The following TTC39B variants were observed in gnomAD, a reference collection of about 807,000 sequenced individuals.
TTC39B encodes the protein tetratricopeptide repeat protein 39B.
TTC39B carries 92 observed loss-of-function variants against 96.6 expected under a neutral mutation model. The ratio of observed to expected loss-of-function variants is 0.95; its 90% confidence interval spans 0.80 to 1.13. The LOEUF is 1.13. TTC39B is among the 50% of genes most tolerant of loss of function. TTC39B has a pLI of 0.00. For missense variants in TTC39B, 955 were observed against 809.3 expected (o/e 1.18, Z -2.18); for synonymous variants, 367 against 299.4 (o/e 1.23, Z -2.33).
intron 2 of TTC39B, among the ~76,000 whole-genome samples, chr9:15,234,405 T>TG (rs570759166): frequency 4.0e-4 from 52 of 131,086 alleles, no homozygotes; most frequent in Admixed American, 1.4e-3. Flanking sequence ...AGGAGGGAGG[T>TG]GGGGGGGTCA....
chr9:15,272,736 T>C (rs1305576444), intron 1 of TTC39B, among the ~76,000 whole-genome samples: 1 of 152,206 alleles, frequency 6.6e-6, no homozygotes, highest in Non-Finnish European at 1.5e-5. Flanking sequence ...CCCAGCACAG[T>C]ACTCTGTACT....
chr9:15,217,452 T>C (rs1032937188), intron 3 of TTC39B, among the ~76,000 whole-genome samples: 5 of 152,076 alleles, frequency 3.3e-5, no homozygotes, highest in African/African-American at 1.2e-4. Flanking sequence ...TCCGAGCACA[T>C]AAACTCAGCT....
chr9:15,287,393 CGTAACAGA>C (rs1824011917), intron 1 of TTC39B, among the ~76,000 whole-genome samples: 1 of 152,158 alleles, frequency 6.6e-6, no homozygotes, highest in Non-Finnish European at 1.5e-5. Flanking sequence ...ACAGGTCAGT[CGTAACAGA>C]GTTACGGAAG....
intron 1 of TTC39B, among the ~76,000 whole-genome samples, chr9:15,280,056 C>T (rs963853805): frequency 2.0e-5 from 3 of 151,918 alleles, no homozygotes; most frequent in African/African-American, 7.3e-5. Flanking sequence ...CCACCAAACC[C>T]GGCTAATTTT....
At chr9:15,191,397 A>G in intron 9 of TTC39B, 142 bp from the exon 10 acceptor site, 4 of 601,204 alleles carry the variant, frequency 6.7e-6, no homozygotes, top group Non-Finnish European at 1.2e-5. Context: ...TTCTGTTACC[A>G]CATACTGTAA....
chr9:15,200,532 T>C (rs1819474017), intron 7 of TTC39B, among the ~76,000 whole-genome samples: 1 of 152,222 alleles, frequency 6.6e-6, no homozygotes, highest in Non-Finnish European at 1.5e-5. Flanking sequence ...GACCATAAAA[T>C]TGAGGCTGTT....
At chr9:15,199,589 G>C (rs12552686) in intron 8 of TTC39B, among the ~76,000 whole-genome samples, 4 of 151,562 alleles carry the variant, frequency 2.6e-5, no homozygotes, top group African/African-American at 9.7e-5. Context: ...CAAAAAATTA[G>C]CCGGGCGTGG....
chr9:15,241,720 C>T (rs542594434), intron 2 of TTC39B, among the ~76,000 whole-genome samples: 3 of 149,274 alleles, frequency 2.0e-5, no homozygotes, highest in South Asian at 2.1e-4. Flanking sequence ...AGTAATCTTT[C>T]GTAAGTTTCT....
At chr9:15,273,571 T>A (rs896345190) in intron 1 of TTC39B, among the ~76,000 whole-genome samples, 1 of 152,108 alleles carries the variant, frequency 6.6e-6, no homozygotes, top group African/African-American at 2.4e-5. Flanking sequence ...GAGAACAGAT[T>A]CTACCACGCT....
At chr9:15,236,259 A>G (rs1821775402) in intron 2 of TTC39B, among the ~76,000 whole-genome samples, 1 of 152,232 alleles carries the variant, frequency 6.6e-6, no homozygotes, top group African/African-American at 2.4e-5. Flanking sequence ...ATTCAATATA[A>G]CAAGAAGATT....
intron 8 of TTC39B, among the ~76,000 whole-genome samples, chr9:15,194,436 C>A (rs958508432): frequency 6.6e-6 from 1 of 152,030 alleles, no homozygotes; most frequent in African/African-American, 2.4e-5. Flanking sequence ...ATTTTGAATT[C>A]CCAGGTAAGT....
intron 1 of TTC39B, among the ~76,000 whole-genome samples, chr9:15,303,725 A>G (rs1463511847): frequency 6.6e-6 from 1 of 151,542 alleles, no homozygotes; most frequent in Non-Finnish European, 1.5e-5. Flanking sequence ...TCTGCCTCCC[A>G]GGTTCAAGCG....
At chr9:15,186,221 G>A (rs747595648) in intron 15 of TTC39B, among the ~76,000 whole-genome samples, 10 of 152,052 alleles carry the variant, frequency 6.6e-5, no homozygotes, top group Middle Eastern at 3.2e-3. Flanking sequence ...GGTTAATTCC[G>A]GGCAAAATAT....
Position 15,222,235 on chromosome 9 carries a change from T to C in TTC39B, c.371+3682A>G, listed in dbSNP as rs1224181912. ...CACAAAGGAGGTAAAAGCTAGACTTTATGTAATAACAGCTGGGAAATCTGT... is the reference window on the plus strand; with the variant it reads ...CACAAAGGAGGTAAAAGCTAGACTTCATGTAATAACAGCTGGGAAATCTGT... On this transcript the variant is annotated intron_variant, in intron 3 of 19. Transcript: ENST00000512701. Among the ~76,000 whole-genome samples, 3 of 152,254 alleles carry C rather than the reference T, an allele frequency of 2.0e-5. No homozygotes were observed. The East Asian group carries it at 5.8e-4, about 29-fold the overall frequency.
At chr9:15,240,527 T>C (rs1194075074) in intron 2 of TTC39B, among the ~76,000 whole-genome samples, 1 of 152,214 alleles carries the variant, frequency 6.6e-6, no homozygotes, top group Non-Finnish European at 1.5e-5. Flanking sequence ...TCAAAAATGA[T>C]AATGTACCAT....
At chr9:15,288,476 T>A (rs985618216) in intron 1 of TTC39B, among the ~76,000 whole-genome samples, 2 of 152,116 alleles carry the variant, frequency 1.3e-5, no homozygotes, top group East Asian at 3.9e-4. Flanking sequence ...CTGGGGATGG[T>A]TGGAGAGGAG....
intron 3 of TTC39B, among the ~76,000 whole-genome samples, chr9:15,222,061 TG>T (rs1820873408): frequency 1.3e-5 from 2 of 152,202 alleles, no homozygotes; most frequent in South Asian, 4.1e-4. Flanking sequence ...AGTCAGAAGG[TG>T]GGATGTATTC....
In TTC39B at chr9:15,274,658, T is replaced by C. The variant is rs918282078; in HGVS notation, c.241-6710A>G. ...TCCAAGTCCCCACCTGTAACGACTG[T>C]TGTTGGTCCTTGCAGGGAACAAAAC... On this transcript the variant is annotated intron_variant, in intron 1 of 19. Transcript: ENST00000512701. Among the ~76,000 whole-genome samples, 3 of 152,206 alleles carry C rather than the reference T, an allele frequency of 2.0e-5. 1 individual carries two copies. The highest frequency in any genetic ancestry group is 4.1e-4 in the South Asian group (2 of 4,826).
At chr9:15,176,428 A>G (rs1175407186) in intron 18 of TTC39B, among the ~76,000 whole-genome samples, 1 of 152,236 alleles carries the variant, frequency 6.6e-6, no homozygotes, top group Admixed American at 6.5e-5. Context: ...TTTGGGAAGT[A>G]GATATTTTCT....
Sources: allele counts gnomAD v4.1 joint callset (sites outside exome capture counted in the v4.1 genomes callset), GRCh38; gene constraint gnomAD v4.1.1; transcripts MANE v1.5; gene names NCBI Gene and HGNC (gene_info 2026-07-23, HGNC 2026-07-21).